ANO10: variants seen among roughly 807,000 people sequenced by gnomAD.
The protein encoded by ANO10 is anoctamin-10.
A neutral mutation model predicts 74.7 loss-of-function variants in ANO10; 77 were observed. That is an observed-to-expected ratio of 1.03 (90% CI 0.86 to 1.25). The LOEUF (loss-of-function observed/expected upper bound fraction) is 1.25, where lower values mean the gene tolerates loss of function less well. Ranked by LOEUF, ANO10 falls within the 50% of genes most tolerant of loss-of-function variation. ANO10 has a pLI of 0.00. For synonymous variants in ANO10, 279 were observed against 284.9 expected, an observed-to-expected ratio of 0.98 and a Z score of 0.21; for missense variants, 721 against 778.1, an observed-to-expected ratio of 0.93 and a Z score of 0.87.
rs539129173 is a variant in ANO10 at position 43,504,649 on chromosome 3, TA to T, written c.1797+45070del. On this transcript the variant is annotated intron_variant, in intron 11 of 12. Coordinates refer to ENST00000292246, the MANE Select transcript of ANO10 (RefSeq NM_018075.5). ...GAAATGACAGAAATAATTATTTATT[TA>T]TTTTTTTTTTGAGACAGAGTCTCAC... Among the ~76,000 whole-genome samples the T allele has an allele frequency of 4.0e-3, 607 of 152,160 alleles. 4 individuals carry two copies. The highest frequency in any genetic ancestry group is 0.014 in the African/African-American group (575 of 41,504).
intron 11 of ANO10, among the ~76,000 whole-genome samples, chr3:43,514,851 C>G (rs950210288): frequency 1.3e-5 from 2 of 152,152 alleles, no homozygotes; most frequent in Admixed American, 6.5e-5. Context: ...TATCTGGAAA[C>G]TAACATACTT....
chr3:43,539,861 C>T (rs780781301), intron 11 of ANO10, among the ~76,000 whole-genome samples: 7 of 152,116 alleles, frequency 4.6e-5, no homozygotes, highest in Non-Finnish European at 5.9e-5. Flanking sequence ...GAGTGTAAAA[C>T]GATCTCTTGC....
chr3:43,573,189 G>C (rs535111381), intron 7 of ANO10, among the ~76,000 whole-genome samples: 1 of 152,178 alleles, frequency 6.6e-6, no homozygotes, highest in South Asian at 2.1e-4. Context: ...TTACACAGAG[G>C]GCACAGAACA....
intron 1 of ANO10, among the ~76,000 whole-genome samples, chr3:43,652,720 C>T (rs927224785): frequency 5.3e-5 from 8 of 151,972 alleles, no homozygotes; most frequent in African/African-American, 1.9e-4. Context: ...TGAATATTTA[C>T]ATAACTTAGA....
chr3:43,460,126 G>A (rs1452642991), intron 11 of ANO10, among the ~76,000 whole-genome samples: 1 of 152,124 alleles, frequency 6.6e-6, no homozygotes, highest in Non-Finnish European at 1.5e-5. Context: ...GGAAAAGTCT[G>A]TAAATTTCTG....
intron 4 of ANO10, among the ~76,000 whole-genome samples, chr3:43,597,775 A>T (rs188235564): frequency 3.9e-5 from 6 of 152,064 alleles, no homozygotes; most frequent in South Asian, 2.1e-4. Context: ...AATAAATAAA[A>T]AATTTTTAAA....
At chr3:43,468,590 G>C (rs2075723575) in intron 11 of ANO10, among the ~76,000 whole-genome samples, 2 of 152,070 alleles carry the variant, frequency 1.3e-5, no homozygotes, top group Admixed American at 6.5e-5. Context: ...AGCACCCAAT[G>C]TTTCACCTGT....
intron 11 of ANO10, among the ~76,000 whole-genome samples, chr3:43,482,516 G>A (rs2076313292): frequency 6.6e-6 from 1 of 151,966 alleles, no homozygotes; most frequent in Non-Finnish European, 1.5e-5. Flanking sequence ...CTGCCCTTAG[G>A]AACTGCTCCC....
At chr3:43,522,283 T>C (rs1028246436) in intron 11 of ANO10, among the ~76,000 whole-genome samples, 9 of 152,118 alleles carry the variant, frequency 5.9e-5, no homozygotes. Flanking sequence ...CTCAATATAA[T>C]TAAAATTGCA....
At chr3:43,494,147 C>A (rs895188860) in intron 11 of ANO10, among the ~76,000 whole-genome samples, 3 of 152,080 alleles carry the variant, frequency 2.0e-5, no homozygotes, top group Admixed American at 6.6e-5. Flanking sequence ...GCAATAAGAG[C>A]AAACATAAAA....
At chr3:43,430,555 T>C (rs987677715) in intron 12 of ANO10, among the ~76,000 whole-genome samples, 8 of 152,166 alleles carry the variant, frequency 5.3e-5, no homozygotes, top group Admixed American at 2.0e-4. Context: ...CTTTTTTCCA[T>C]TGACATAAAA....
intron 11 of ANO10, among the ~76,000 whole-genome samples, chr3:43,545,656 G>A (rs2079158824): frequency 6.6e-6 from 1 of 152,080 alleles, no homozygotes; most frequent in African/African-American, 2.4e-5. Flanking sequence ...ATGAGCCACC[G>A]TGCCCGACCC....
rs535917671 is a variant in ANO10, at chr3:43,595,563, G to A, written c.472+2969C>T. Among the ~76,000 whole-genome samples, 22 of 152,116 alleles carry A rather than the reference G, an allele frequency of 1.4e-4. No individual in the cohort carries two copies. In the South Asian group the frequency reaches 3.5e-3, roughly 24 times the overall value. Reference sequence around the variant, plus strand: ...AAGGCCTTCGAGAAAATTCAACAGCGCTTCATGCTAAAAACTCTCAATAAA... The same window carrying A: ...AAGGCCTTCGAGAAAATTCAACAGCACTTCATGCTAAAAACTCTCAATAAA... On this transcript the variant is annotated intron_variant, in intron 4 of 12. Coordinates refer to ENST00000292246, the MANE Select transcript of ANO10 (RefSeq NM_018075.5).
At chr3:43,531,518 T>C (rs969072700) in intron 11 of ANO10, among the ~76,000 whole-genome samples, 1 of 152,210 alleles carries the variant, frequency 6.6e-6, no homozygotes, top group Admixed American at 6.5e-5. Context: ...TTTAGGTTTC[T>C]TATTGGTATA....
At chr3:43,644,983 G>A (rs898255508) in intron 1 of ANO10, among the ~76,000 whole-genome samples, 1 of 152,044 alleles carries the variant, frequency 6.6e-6, no homozygotes, top group African/African-American at 2.4e-5. Context: ...TGATACCAAC[G>A]ACATCACAAA....
intron 12 of ANO10, among the ~76,000 whole-genome samples, chr3:43,396,170 C>T (rs1407356913): frequency 6.6e-6 from 1 of 151,438 alleles, no homozygotes; most frequent in East Asian, 1.9e-4. Context: ...GTTCCTTATA[C>T]CAAGGGGAAA....
intron 12 of ANO10, among the ~76,000 whole-genome samples, chr3:43,369,060 C>T (rs907913159): frequency 3.5e-5 from 2 of 57,282 alleles, no homozygotes; most frequent in Non-Finnish European, 2.4e-4. Flanking sequence ...TCCACAGTAG[C>T]CAGGGTGGAT....
At chr3:43,576,417 G>A (rs1163097182) in intron 6 of ANO10, among the ~76,000 whole-genome samples, 2 of 152,102 alleles carry the variant, frequency 1.3e-5, no homozygotes, top group African/African-American at 4.8e-5. Flanking sequence ...TCTACTTCAC[G>A]GTACCCTTGA....
chr3:43,387,654 T>G (rs2092161273), intron 12 of ANO10, among the ~76,000 whole-genome samples: 2 of 152,120 alleles, frequency 1.3e-5, no homozygotes, highest in Admixed American at 1.3e-4. Flanking sequence ...CCATAAACAC[T>G]GTGGTTCTCA....
Sources: allele counts gnomAD v4.1 joint callset (sites outside exome capture counted in the v4.1 genomes callset), GRCh38; gene constraint gnomAD v4.1.1; transcripts MANE v1.5; gene names NCBI Gene and HGNC (gene_info 2026-07-23, HGNC 2026-07-21).